TBL1Y: variants seen among roughly 807,000 people sequenced by gnomAD.
The protein encoded by TBL1Y is F-box-like/WD repeat-containing protein TBL1Y.
A neutral mutation model predicts 12.0 loss-of-function variants in TBL1Y; 15 were observed. The ratio of observed to expected loss-of-function variants is 1.25; its 90% confidence interval spans 0.83 to 1.92. The LOEUF (loss-of-function observed/expected upper bound fraction) is 1.92, where lower values mean the gene tolerates loss of function less well. Ranked by LOEUF, TBL1Y falls within the 40% of genes most tolerant of loss-of-function variation. TBL1Y has a pLI of 0.00. For missense variants in TBL1Y, 148 were observed against 116.7 expected (o/e 1.27, Z -1.24); for synonymous variants, 53 against 42.6 (o/e 1.24, Z -0.95).
chrY:6,989,037 G>A, intron 3 of TBL1Y, among the ~76,000 whole-genome samples: 1 of 33,051 alleles, frequency 3.0e-5, no homozygotes, highest in Non-Finnish European at 7.4e-5. Flanking sequence ...GGCTAACACA[G>A]TGAAACCCCA....
chrY:6,993,193 CTTTCTT>C (rs2012382496), intron 3 of TBL1Y, among the ~76,000 whole-genome samples: 4 of 8,308 alleles, frequency 4.8e-4, no homozygotes, highest in Admixed American at 2.4e-3. Context: ...AGTTCCTTTT[CTTTCTT>C]TCTTTCTTTC....
At chrY:7,030,418 T>G (rs1422621530) in intron 6 of TBL1Y, among the ~76,000 whole-genome samples, 3 of 33,443 alleles carry the variant, frequency 9.0e-5, no homozygotes, top group Non-Finnish European at 2.2e-4. Context: ...GCATCCTGGT[T>G]TGCACACCTT....
chrY:6,956,026 C>T, intron 2 of TBL1Y, among the ~76,000 whole-genome samples: 1 of 33,554 alleles, frequency 3.0e-5, no homozygotes, highest in African/African-American at 1.2e-4. Flanking sequence ...CTCTTTGAGT[C>T]TTTCTAGAAA....
At chrY:7,080,054 T>G in intron 13 of TBL1Y, among the ~76,000 whole-genome samples, 2 of 17,211 alleles carry the variant, frequency 1.2e-4, no homozygotes, top group Non-Finnish European at 2.6e-4. Context: ...ACTGTTTGTT[T>G]TTTTTTTTTT....
At chrY:6,976,819 G>A in intron 2 of TBL1Y, among the ~76,000 whole-genome samples, 1 of 33,369 alleles carries the variant, frequency 3.0e-5, no homozygotes, top group Middle Eastern at 0.014. Context: ...GAATACTATC[G>A]CTGGCATGGG....
At chrY:7,072,201 A>G in intron 12 of TBL1Y, among the ~76,000 whole-genome samples, 1 of 33,846 alleles carries the variant, frequency 3.0e-5, no homozygotes, top group African/African-American at 1.1e-4. Flanking sequence ...TGCCTGGCCA[A>G]TGATTTTTTT....
chrY:6,969,900 C>T, intron 2 of TBL1Y, among the ~76,000 whole-genome samples: 1 of 32,395 alleles, frequency 3.1e-5, no homozygotes. Context: ...TCTTAATACC[C>T]TAATTAAAAA....
At chrY:6,940,368 A>G (rs909569032) in intron 2 of TBL1Y, among the ~76,000 whole-genome samples, 2 of 32,301 alleles carry the variant, frequency 6.2e-5, no homozygotes, top group Admixed American at 5.7e-4. Context: ...ATTGATAGAG[A>G]CACACTTTGG....
At chrY:7,060,263 T>C (rs2012852281) in intron 7 of TBL1Y, among the ~76,000 whole-genome samples, 1 of 33,473 alleles carries the variant, frequency 3.0e-5, no homozygotes, top group Non-Finnish European at 7.4e-5. Flanking sequence ...TAAACTGTTT[T>C]TTCTGTAGTT....
At chrY:7,043,814 C>A (rs530312490) in intron 7 of TBL1Y, among the ~76,000 whole-genome samples, 5 of 33,483 alleles carry the variant, frequency 1.5e-4, no homozygotes, top group African/African-American at 5.9e-4. Context: ...CTATGATTTG[C>A]TCTGTCTTCT....
Position 7,064,135 on chromosome Y carries a change from G to C in TBL1Y, c.443G>C (p.Gly148Ala), listed in dbSNP as rs1322629321. Reference protein sequence around the residue: ...REATVNGEENGAHEINNHSKP... With the variant: ...REATVNGEENAAHEINNHSKP... ...GCCACAGTGAACGGGGAAGAGAATGGAGCACATGAAATCAGTGAGTGCGCA... is the reference window on the plus strand; with the variant it reads ...GCCACAGTGAACGGGGAAGAGAATGCAGCACATGAAATCAGTGAGTGCGCA... Residue 148 changes from glycine to alanine, a missense_variant, in exon 8 of 19, where the codon GGA becomes GCA. Physicochemically the swap from Gly to Ala is moderately conservative, Grantham distance 60. Transcript: ENST00000383032. 11 of 396,551 alleles carry C rather than the reference G, an allele frequency of 2.8e-5. No individual in the cohort carries two copies. Among genetic ancestry groups the C allele is most frequent in the East Asian group, 9.3e-5 (1 of 10,747 alleles).
chrY:6,917,586 C>T, intron 2 of TBL1Y, among the ~76,000 whole-genome samples: 1 of 33,222 alleles, frequency 3.0e-5, no homozygotes, highest in Non-Finnish European at 7.4e-5. Context: ...TTCAGATGCT[C>T]ACAGGAGAAA....
At chrY:7,065,228 G>A (rs2124179691) in intron 8 of TBL1Y, among the ~76,000 whole-genome samples, 2 of 33,165 alleles carry the variant, frequency 6.0e-5, no homozygotes, top group Non-Finnish European at 1.5e-4. Context: ...TGAATCATGG[G>A]GGGTAGTTTC....
chrY:6,992,326 ATGCATATCTC>A (rs2012372874), intron 3 of TBL1Y, among the ~76,000 whole-genome samples: 6 of 33,261 alleles, frequency 1.8e-4, no homozygotes, highest in Non-Finnish European at 3.0e-4. Flanking sequence ...TAGCTGCATG[ATGCATATCTC>A]TGCCTTCATT....
rs1358150743 is a variant in TBL1Y, at chrY:6,990,551, CTTTTTTTT to C, written c.-234-5235_-234-5228del. Reference sequence around the variant, plus strand: ...CATCATGGAACTGAACTGGCCATTTCTTTTTTTTTTTTTTTTTTTTTTTTTGAGATGGA... The same window carrying C: ...CATCATGGAACTGAACTGGCCATTTCTTTTTTTTTTTTTTTTTGAGATGGA... On this transcript the variant is annotated intron_variant, in intron 3 of 18. Coordinates refer to ENST00000383032, the MANE Select transcript of TBL1Y (RefSeq NM_033284.2). Among the ~76,000 whole-genome samples the C allele has an allele frequency of 2.3e-3, 18 of 7,905 alleles. No homozygotes were observed. In the South Asian group the frequency reaches 0.041, roughly 18 times the overall value. The allele number at this position is 7,905 out of a possible 37,273, so 21.2% of individuals were successfully genotyped here.
In TBL1Y at chrY:7,070,707, T is replaced by C. The variant is rs774547346; in HGVS notation, c.591-13T>C. 5.0e-6 allele frequency: 2 copies of C among 398,279 alleles called. No individual in the cohort carries two copies. The highest frequency in any genetic ancestry group is 7.1e-6 in the Non-Finnish European group (2 of 283,463). On this transcript the variant is annotated splice_polypyrimidine_tract_variant and intron_variant, in intron 9 of 18. Transcript: ENST00000383032. ...AACCAAATACCGGAGGCTTCTGTGT[T>C]TTTATTCTGTAGATCTGGAGACTCA...
intron 5 of TBL1Y, among the ~76,000 whole-genome samples, chrY:7,022,586 T>A: frequency 6.0e-5 from 2 of 33,546 alleles, no homozygotes. Context: ...GTTTTCAAGG[T>A]TCATGTGCAT....
intron 13 of TBL1Y, among the ~76,000 whole-genome samples, chrY:7,076,643 T>C (rs2013064160): frequency 3.1e-5 from 1 of 31,939 alleles, no homozygotes; most frequent in Non-Finnish European, 7.6e-5. Context: ...CAGTGGCTCA[T>C]GCCTGTAATC....
intron 7 of TBL1Y, among the ~76,000 whole-genome samples, chrY:7,059,442 G>C (rs972657391): frequency 1.8e-4 from 6 of 32,664 alleles, no homozygotes; most frequent in Non-Finnish European, 1.5e-4. Flanking sequence ...CTTGACTCGG[G>C]TGTGATGAAT....
Sources: gnomAD v4.1 joint callset for allele counts (sites outside exome capture counted in the v4.1 genomes callset) on GRCh38, gnomAD v4.1.1 for gene constraint, MANE v1.5 for transcripts, NCBI Gene and HGNC (gene_info 2026-07-23, HGNC 2026-07-21) for gene names.